Variants in RAB3C observed in about 807,000 individuals in gnomAD.
The protein encoded by RAB3C is RAB3C, member RAS oncogene family.
Under a neutral mutation model 26.4 loss-of-function variants are expected in RAB3C, and 17 were observed. The observed-to-expected ratio is 0.64, with a 90% CI of 0.44 to 0.97. The LOEUF (loss-of-function observed/expected upper bound fraction) is 0.97. RAB3C is among the 50% of genes least tolerant of loss of function. RAB3C has a pLI of 0.00. For synonymous variants in RAB3C, 91 were observed against 95.9 expected (o/e 0.95, Z 0.30); for missense variants, 242 against 281.9 (o/e 0.86, Z 1.01).
intron 2 of RAB3C, among the ~76,000 whole-genome samples, chr5:58,641,730 C>G (rs1747416406): frequency 1.3e-5 from 2 of 152,232 alleles, no homozygotes; most frequent in Non-Finnish European, 2.9e-5. Context: ...TCAGCACCAT[C>G]TAGGTGGACC....
At chr5:58,723,919 C>T (rs1167700299) in intron 2 of RAB3C, among the ~76,000 whole-genome samples, 1 of 151,510 alleles carries the variant, frequency 6.6e-6, no homozygotes, top group Non-Finnish European at 1.5e-5. Flanking sequence ...GGGAAAGTGG[C>T]GAAGAGAGAA....
At chr5:58,776,354 G>A (rs1438920514) in intron 3 of RAB3C, among the ~76,000 whole-genome samples, 1 of 151,772 alleles carries the variant, frequency 6.6e-6, no homozygotes, top group Non-Finnish European at 1.5e-5. Flanking sequence ...TTAAATATTG[G>A]TGTTTCCCCC....
chr5:58,844,400 C>T (rs772971676), intron 4 of RAB3C, among the ~76,000 whole-genome samples: 5 of 152,314 alleles, frequency 3.3e-5, no homozygotes, highest in Middle Eastern at 3.4e-3. Context: ...GGTTGAGCTC[C>T]TATTCTTGCT....
At chr5:58,771,912 C>G (rs1323010193) in intron 3 of RAB3C, among the ~76,000 whole-genome samples, 1 of 149,528 alleles carries the variant, frequency 6.7e-6, no homozygotes, top group Non-Finnish European at 1.5e-5. Context: ...CCTCTCAAGG[C>G]TAAGCACTAC....
In RAB3C at chr5:58,779,390, A is replaced by ATG. The variant is rs1742221627; in HGVS notation, c.372-45647_372-45646insGT. On this transcript the variant is annotated intron_variant, in intron 3 of 4. Coordinates refer to ENST00000282878, the MANE Select transcript of RAB3C (RefSeq NM_138453.4). ...TATATATATGATTTTATGTATATAT[A>ATG]TATGATTTTTTTCAGGCAGTGGCTC... is the stretch of plus-strand genomic sequence containing the variant. Among the ~76,000 whole-genome samples the ATG allele has an allele frequency of 2.0e-5, 3 of 150,206 alleles. No homozygotes were observed. The South Asian group carries it at 6.3e-4, about 31-fold the overall frequency.
chr5:58,839,348 AT>A (rs1561148282), intron 4 of RAB3C, among the ~76,000 whole-genome samples: 5 of 45,400 alleles, frequency 1.1e-4, no homozygotes, highest in Admixed American at 2.5e-4. Context: ...ATAAGTTTTT[AT>A]TTTATTTATT....
intron 4 of RAB3C, among the ~76,000 whole-genome samples, chr5:58,839,457 G>A (rs145483672): frequency 4.6e-5 from 7 of 151,792 alleles, no homozygotes; most frequent in East Asian, 3.9e-4. Context: ...CACAACATCC[G>A]CCTCCCAGGT....
chr5:58,787,362 G>C (rs1185673836), intron 3 of RAB3C, among the ~76,000 whole-genome samples: 3 of 152,182 alleles, frequency 2.0e-5, no homozygotes, highest in Admixed American at 6.5e-5. Flanking sequence ...TTTATTAAGA[G>C]ATTGAGACTC....
At chr5:58,678,988 A>G (rs1426608944) in intron 2 of RAB3C, among the ~76,000 whole-genome samples, 1 of 152,048 alleles carries the variant, frequency 6.6e-6, no homozygotes, top group Admixed American at 6.5e-5. Flanking sequence ...TGGCTAATAT[A>G]TGTTTCCTGA....
chr5:58,725,007 C>T (rs1740857312), intron 2 of RAB3C, among the ~76,000 whole-genome samples: 1 of 151,776 alleles, frequency 6.6e-6, no homozygotes, highest in South Asian at 2.1e-4. Flanking sequence ...GTCGGTTTGT[C>T]TATGCGCTTA....
At chr5:58,717,989 T>C (rs1749207440) in intron 2 of RAB3C, among the ~76,000 whole-genome samples, 1 of 152,086 alleles carries the variant, frequency 6.6e-6, no homozygotes, top group Admixed American at 6.6e-5. Flanking sequence ...AAAGTCCCAT[T>C]CAAAAGCCTG....
intron 3 of RAB3C, among the ~76,000 whole-genome samples, chr5:58,810,403 G>C (rs1334393344): frequency 2.0e-5 from 3 of 152,082 alleles, no homozygotes; most frequent in African/African-American, 7.2e-5. Context: ...GTGTGTGTGT[G>C]TGTGTGTGTG....
chr5:58,713,442 G>A (rs187327770), intron 2 of RAB3C, among the ~76,000 whole-genome samples: 64 of 152,342 alleles, frequency 4.2e-4, no homozygotes, highest in African/African-American at 1.5e-3. Flanking sequence ...ATACCAGCCT[G>A]TGATCTTGAC....
chr5:58,587,374 G>A (rs954836672), intron 1 of RAB3C, among the ~76,000 whole-genome samples: 1 of 152,032 alleles, frequency 6.6e-6, no homozygotes, highest in Admixed American at 6.6e-5. Flanking sequence ...TCAAAAAAAT[G>A]TTCTTTTATA....
chr5:58,724,591 A>G (rs1740842796), intron 2 of RAB3C, among the ~76,000 whole-genome samples: 1 of 151,836 alleles, frequency 6.6e-6, no homozygotes, highest in Admixed American at 6.6e-5. Context: ...TTTTAAATAA[A>G]TATGATCTAT....
intron 2 of RAB3C, among the ~76,000 whole-genome samples, chr5:58,636,767 G>T (rs1747298111): frequency 6.6e-6 from 1 of 152,150 alleles, no homozygotes; most frequent in African/African-American, 2.4e-5. Context: ...GAACATTGTT[G>T]CAATGAGAAG....
rs112508177 is a variant in RAB3C, at chr5:58,676,536, C to T, written c.253-49466C>T. On this transcript the variant is annotated intron_variant, in intron 2 of 4. Coordinates refer to ENST00000282878, the MANE Select transcript of RAB3C (RefSeq NM_138453.4). ...ATAATAAAAAAGAACCTATTGCCAC[C>T]CCAAATTCTCAACACATGCTAGACT... Among the ~76,000 whole-genome samples, 1,382 of 152,026 alleles carry T rather than the reference C, an allele frequency of 9.1e-3. 11 individuals are homozygous for T. Among genetic ancestry groups the T allele is most frequent in the Non-Finnish European group, 0.014 (934 of 67,958 alleles).
At chr5:58,825,012 T>C in intron 3 of RAB3C, 26 bp from the exon 4 acceptor site, 1 of 1,552,770 alleles carries the variant, frequency 6.4e-7, no homozygotes, top group East Asian at 2.3e-5. Flanking sequence ...CCTCTGATTG[T>C]GTCATGCTTC....
chr5:58,674,716 G>A lies in RAB3C; in HGVS notation c.253-51286G>A, dbSNP rs559421778. 1.0e-3 allele frequency among the ~76,000 whole-genome samples: 156 copies of A among 152,330 alleles called. 1 individual carries two copies. The highest frequency in any genetic ancestry group is 3.7e-3 in the African/African-American group (152 of 41,568). On this transcript the variant is annotated intron_variant, in intron 2 of 4. Coordinates refer to ENST00000282878, the MANE Select transcript of RAB3C (RefSeq NM_138453.4). ...AATTGAATAATACAGTGTATTTTAA[G>A]TGCATAGAGGTCTTTCTTACAAAGA... is the stretch of plus-strand genomic sequence containing the variant.
Sources: gnomAD v4.1 joint callset for allele counts (sites outside exome capture counted in the v4.1 genomes callset) on GRCh38, gnomAD v4.1.1 for gene constraint, MANE v1.5 for transcripts, NCBI Gene and HGNC (gene_info 2026-07-23, HGNC 2026-07-21) for gene names.